CD99L2: variants seen among roughly 807,000 people sequenced by gnomAD.
The protein encoded by CD99L2 is CD99 molecule like 2, also known as CD99 antigen-like protein 2.
CD99L2 carries 24 observed loss-of-function variants against 27.3 expected under a neutral mutation model. The observed-to-expected ratio is 0.88, with a 90% CI of 0.64 to 1.24. The LOEUF (loss-of-function observed/expected upper bound fraction) is 1.24. Among genes scored for constraint, CD99L2 ranks in the 50% most tolerant of loss-of-function variants. The pLI is 0.00. For missense variants in CD99L2, 255 were observed against 221.6 expected (o/e 1.15, Z -0.96); for synonymous variants, 97 against 87.9 (o/e 1.10, Z -0.58).
In CD99L2 at chrX:150,834,710, C is replaced by T. The variant is rs183508744; in HGVS notation, c.68-3417G>A. 1.9e-3 allele frequency among the ~76,000 whole-genome samples: 207 copies of T among 111,617 alleles called. 1 individual carries two copies. Among genetic ancestry groups the T allele is most frequent in the African/African-American group, 5.7e-3 (176 of 30,774 alleles). On this transcript the variant is annotated intron_variant, in intron 1 of 10. Coordinates refer to ENST00000370377, the MANE Select transcript of CD99L2 (RefSeq NM_031462.4). ...CAAAAAATGAAATTATCATATAATT[C>T]AGAAATCAGTCCCAGTTCTGTGTGT...
At chrX:150,769,604 AGGC>A (rs2043378804) in intron 10 of CD99L2, among the ~76,000 whole-genome samples, 1 of 109,674 alleles carries the variant, frequency 9.1e-6, no homozygotes, top group Admixed American at 9.7e-5. Flanking sequence ...CTGGTCTCCC[AGGC>A]CCAGTCCCCA....
chrX:150,838,386 T>C (rs2046565717), intron 1 of CD99L2, among the ~76,000 whole-genome samples: 1 of 111,891 alleles, frequency 8.9e-6, no homozygotes, highest in East Asian at 2.8e-4. Context: ...TATATCTATA[T>C]TGGTTCATTA....
At chrX:150,793,227 C>A (rs782032749) in intron 7 of CD99L2, among the ~76,000 whole-genome samples, 5 of 112,021 alleles carry the variant, frequency 4.5e-5, no homozygotes, top group Admixed American at 1.9e-4. Context: ...ACTATTTTTA[C>A]AACTTCTTGT....
At chrX:150,825,150 T>A (rs782243943) in intron 2 of CD99L2, among the ~76,000 whole-genome samples, 2 of 112,322 alleles carry the variant, frequency 1.8e-5, no homozygotes, top group South Asian at 7.5e-4. Context: ...TTTGTTTATG[T>A]ATAATTATAT....
chrX:150,839,857 A>G (rs947309283), intron 1 of CD99L2, among the ~76,000 whole-genome samples: 1 of 109,708 alleles, frequency 9.1e-6, no homozygotes, highest in Non-Finnish European at 1.9e-5. Context: ...CCACATAGTG[A>G]GACCTCATCT....
At chrX:150,894,547 A>T (rs1371959231) in intron 1 of CD99L2, among the ~76,000 whole-genome samples, 1 of 99,983 alleles carries the variant, frequency 1.0e-5, no homozygotes, top group African/African-American at 3.7e-5. Context: ...ATGCTCATCA[A>T]GTTTATTCTT....
intron 1 of CD99L2, among the ~76,000 whole-genome samples, chrX:150,883,151 T>G (rs1221332224): frequency 1.8e-5 from 2 of 111,727 alleles, no homozygotes; most frequent in Non-Finnish European, 3.8e-5. Context: ...ATCACGCCAT[T>G]GCACTCCAGC....
At chrX:150,837,271 C>A (rs1298425575) in intron 1 of CD99L2, among the ~76,000 whole-genome samples, 1 of 107,843 alleles carries the variant, frequency 9.3e-6, no homozygotes, top group Non-Finnish European at 1.9e-5. Context: ...TTTTTTGAGA[C>A]GGAGCTTTGT....
chrX:150,776,145 C>T, intron 9 of CD99L2, 29 bp downstream of exon 9: 1 of 1,205,452 alleles, frequency 8.3e-7, no homozygotes, highest in African/African-American at 1.7e-5. Context: ...CCAGCTGGTT[C>T]CTAGCCACGA....
At chrX:150,863,517 G>C (rs1190153960) in intron 1 of CD99L2, among the ~76,000 whole-genome samples, 1 of 112,218 alleles carries the variant, frequency 8.9e-6, no homozygotes, top group Admixed American at 9.4e-5. Context: ...GCTCCAAGAG[G>C]AGCAGCCACA....
intron 8 of CD99L2, chrX:150,777,079 A>G (rs1307367254): frequency 4.2e-6 from 1 of 235,608 alleles, no homozygotes; most frequent in Non-Finnish European, 7.4e-6. Context: ...GTGAACCTGC[A>G]TTTTTACATA....
intron 4 of CD99L2, among the ~76,000 whole-genome samples, chrX:150,812,956 C>T (rs1557420385): frequency 9.0e-6 from 1 of 110,753 alleles, no homozygotes; most frequent in Non-Finnish European, 1.9e-5. Context: ...ATTACATTTA[C>T]ATAACATTTT....
chrX:150,884,924 A>G (rs1275157252), intron 1 of CD99L2, among the ~76,000 whole-genome samples: 6 of 112,498 alleles, frequency 5.3e-5, no homozygotes, highest in Admixed American at 9.5e-5. Context: ...ATAGTCAAAC[A>G]GTGGAATAAC....
At chrX:150,861,738 T>C (rs1569566098) in intron 1 of CD99L2, among the ~76,000 whole-genome samples, 3 of 106,645 alleles carry the variant, frequency 2.8e-5, no homozygotes, top group Non-Finnish European at 5.8e-5. Context: ...CCGTCTCTAC[T>C]AAAAAAAAAT....
At chrX:150,852,365 T>TA (rs1166004079) in intron 1 of CD99L2, among the ~76,000 whole-genome samples, 2 of 110,283 alleles carry the variant, frequency 1.8e-5, no homozygotes, top group African/African-American at 6.6e-5. Context: ...ACTTGGTTGC[T>TA]AAACTTCAGC....
rs1467702774 is a variant in CD99L2, at chrX:150,824,150, A to G, written c.130+7081T>C. Among the ~76,000 whole-genome samples, 109 of 20,347 alleles carry G rather than the reference A, an allele frequency of 5.4e-3. 8 individuals carry two copies. The highest frequency in any genetic ancestry group is 0.03 in the African/African-American group (105 of 3,558). 17.7% of individuals were successfully genotyped at this position (20,347 alleles called of 115,157 possible). A position where few individuals can be genotyped will look rare whatever the true frequency, so the allele number is the denominator to read the frequency against. ...GAGGAGGAGGAGGAGGAGAAGAAGG[A>G]AGGAGGAGGAGGAGGAGGAGGAGGA... On this transcript the variant is annotated intron_variant, in intron 2 of 10. Transcript: ENST00000370377.
At chrX:150,831,326 T>C in intron 1 of CD99L2, 33 bp from the exon 2 acceptor site, 1 of 1,063,597 alleles carries the variant, frequency 9.4e-7, no homozygotes, top group Non-Finnish European at 1.3e-6. Context: ...AAACTATCTT[T>C]GCATAAAACA....
chrX:150,815,886 G>C, intron 3 of CD99L2, 121 bp downstream of exon 3: 1 of 671,814 alleles, frequency 1.5e-6, no homozygotes, highest in South Asian at 2.2e-5. Context: ...TGTTCACATG[G>C]ATGCCTTGAT....
At chrX:150,863,519 G>A (rs1009249971) in intron 1 of CD99L2, among the ~76,000 whole-genome samples, 12 of 112,232 alleles carry the variant, frequency 1.1e-4, no homozygotes, top group African/African-American at 3.2e-4. Context: ...TCCAAGAGGA[G>A]CAGCCACATA....
Sources: gnomAD v4.1 joint callset for allele counts (sites outside exome capture counted in the v4.1 genomes callset) on GRCh38, gnomAD v4.1.1 for gene constraint, MANE v1.5 for transcripts, NCBI Gene and HGNC (gene_info 2026-07-23, HGNC 2026-07-21) for gene names.